The following VPS13D variants were observed in gnomAD, a reference collection of about 807,000 sequenced individuals.
VPS13D encodes intermembrane lipid transfer protein VPS13D.
Under a neutral mutation model 461.9 loss-of-function variants are expected in VPS13D, and 187 were observed. The ratio of observed to expected loss-of-function variants is 0.40; its 90% CI spans 0.36 to 0.46. The LOEUF is 0.46. Ranked by LOEUF, VPS13D falls within the 20% of genes least tolerant of loss-of-function variation. The pLI, the probability that VPS13D is intolerant of heterozygous loss-of-function variation, is 0.60. For missense variants in VPS13D, 4,711 were observed against 5,364.9 expected (o/e 0.88, Z 3.81); for synonymous variants, 1,951 against 1,986.3 (o/e 0.98, Z 0.47).
At chr1:12,397,223 C>T (rs529297657) in intron 60 of VPS13D, among the ~76,000 whole-genome samples, 1 of 152,296 alleles carries the variant, frequency 6.6e-6, no homozygotes, top group African/African-American at 2.4e-5. Flanking sequence ...CGTGAGCCAC[C>T]ACGCCTGGCC....
At chr1:12,478,183 GCAAA>G (rs1257089518) in intron 67 of VPS13D, among the ~76,000 whole-genome samples, 4 of 152,258 alleles carry the variant, frequency 2.6e-5, no homozygotes, top group Non-Finnish European at 4.4e-5. Flanking sequence ...TCAGTCATGA[GCAAA>G]CAGTCAGTGC....
chr1:12,419,844 C>T (rs575555753), intron 65 of VPS13D, among the ~76,000 whole-genome samples: 13 of 152,214 alleles, frequency 8.5e-5, no homozygotes, highest in African/African-American at 2.2e-4. Flanking sequence ...CATTGCTGTG[C>T]GAACATCATA....
rs1331692963 is a variant in VPS13D, at chr1:12,327,805, C to T, written c.8148C>T (p.Ile2716=). The part of the protein sequence containing the change: ...IKAESVCICF[I]DDCMDCDVPL... ...CTGAGAGTGTGTGCATCTGTTTCAT[C>T]GATGACTGCATGGATTGTGATGTTC... The change falls in exon 36 of 70, where the codon ATC becomes ATT. Residue 2716 remains isoleucine, a synonymous_variant. Transcript: ENST00000620676. 12 of 1,614,100 alleles carry T rather than the reference C, an allele frequency of 7.4e-6. No individual in the cohort carries two copies. The highest frequency in any genetic ancestry group is 1.6e-4 in the Middle Eastern group (1 of 6,062).
At chr1:12,492,803 A>G (rs1478606952) in intron 67 of VPS13D, among the ~76,000 whole-genome samples, 1 of 152,260 alleles carries the variant, frequency 6.6e-6, no homozygotes, top group African/African-American at 2.4e-5. Context: ...AAGCAGAGAC[A>G]TGGTGAATTA....
intron 67 of VPS13D, among the ~76,000 whole-genome samples, chr1:12,478,340 G>A (rs961765523): frequency 3.3e-5 from 5 of 152,266 alleles, no homozygotes; most frequent in Non-Finnish European, 5.9e-5. Flanking sequence ...ACGACGAAAA[G>A]GAGATAATAT....
intron 62 of VPS13D, 152 bp from the exon 63 acceptor site, chr1:12,403,673 A>G (rs1644609859): frequency 1.5e-6 from 1 of 667,922 alleles, no homozygotes; most frequent in Non-Finnish European, 2.4e-6. Flanking sequence ...TCAGAATACT[A>G]TACACGTCAC....
At chr1:12,368,122 T>C (rs902666333) in intron 52 of VPS13D, among the ~76,000 whole-genome samples, 1 of 152,164 alleles carries the variant, frequency 6.6e-6, no homozygotes, top group African/African-American at 2.4e-5. Context: ...TTCACTGATA[T>C]TTTTCCGTTA....
At chr1:12,317,859 A>T (rs1294529966) in intron 30 of VPS13D, among the ~76,000 whole-genome samples, 3 of 152,196 alleles carry the variant, frequency 2.0e-5, no homozygotes, top group African/African-American at 4.8e-5. Flanking sequence ...GTTGTTTAAA[A>T]ATATGATTAA....
intron 34 of VPS13D, 141 bp from the exon 35 acceptor site, chr1:12,323,565 A>T (rs1643100494): frequency 1.4e-6 from 1 of 717,794 alleles, no homozygotes; most frequent in South Asian, 1.8e-5. Context: ...AGAATTCTCC[A>T]ATTAGGAGTC....
At chr1:12,375,551 A>G (rs776680256) in intron 55 of VPS13D, among the ~76,000 whole-genome samples, 13 of 152,204 alleles carry the variant, frequency 8.5e-5, no homozygotes, top group Non-Finnish European at 1.9e-4. Context: ...TGATTTGATC[A>G]GTTCCCCTGA....
rs773429108 is a variant in VPS13D at position 12,276,505 on chromosome 1, C to T, written c.2917C>T (p.Arg973Trp). The change falls in exon 19 of 70, where the codon CGG becomes TGG. Residue 973 changes from arginine to tryptophan, a missense_variant. Coordinates refer to ENST00000620676, the MANE Select transcript of VPS13D (RefSeq NM_015378.4). This position sits in a 1 kb window ranked among gnomAD's most constrained non-coding sequence, Gnocchi z 4.5. Reference sequence around the variant, plus strand: ...GCAGCTTGGTGTTGAGAGCAATGGCCGGTACATTTCTGTGCTCAAGGTGTT... The same window carrying T: ...GCAGCTTGGTGTTGAGAGCAATGGCTGGTACATTTCTGTGCTCAAGGTGTT... Reference protein sequence around the residue: ...CMQLGVESNGRYISVLKVFGT... With the variant: ...CMQLGVESNGWYISVLKVFGT... The T allele has an allele frequency of 2.4e-5, 38 of 1,614,078 alleles. 1 individual carries two copies. The highest frequency in any genetic ancestry group is 1.3e-5 in the African/African-American group (1 of 74,996).
At chr1:12,442,833 C>T (rs1371860883) in intron 65 of VPS13D, among the ~76,000 whole-genome samples, 1 of 151,878 alleles carries the variant, frequency 6.6e-6, no homozygotes, top group East Asian at 1.9e-4. Context: ...AAGTCATCCT[C>T]CCACCTCGGC....
rs1357048447 is a variant in VPS13D at position 12,511,572 on chromosome 1, TC to T, written c.*2549del. 6.6e-6 allele frequency: 1 copy of T among 152,226 alleles called. No homozygotes were observed. Among genetic ancestry groups the T allele is most frequent in the African/African-American group, 2.4e-5 (1 of 41,446 alleles). The allele number at this position is 152,226 out of a possible 1,614,324, so 9.4% of individuals were successfully genotyped here. ...TTTCTTTCTGCTTCAAACACACAGT[TC>T]GTCTCTGAGGAAAGTAAAATAAATG... On this transcript the variant is annotated 3_prime_UTR_variant, in exon 70 of 70. Coordinates refer to ENST00000620676, the MANE Select transcript of VPS13D (RefSeq NM_015378.4). This position sits in a 1 kb window ranked among gnomAD's most constrained non-coding sequence, Gnocchi z 4.5.
chr1:12,264,917 T>C (rs1242186999), intron 13 of VPS13D, among the ~76,000 whole-genome samples: 1 of 152,220 alleles, frequency 6.6e-6, no homozygotes, highest in Non-Finnish European at 1.5e-5. Context: ...AAGAACAGGC[T>C]GACTCTCTTG....
At chr1:12,235,195 A>G (rs994733631) in intron 2 of VPS13D, among the ~76,000 whole-genome samples, 10 of 152,336 alleles carry the variant, frequency 6.6e-5, no homozygotes, top group African/African-American at 1.9e-4. Flanking sequence ...AGTTTTGGTA[A>G]GTGGACCAGA....
rs765851388 is a variant in VPS13D at position 12,261,079 on chromosome 1, C to T, written c.1344C>T (p.Thr448=). Reference sequence around the variant, plus strand: ...GGGGTGGCTGGTACGGGCAGCAGACCCCAGAAGGGAATGTGGTTGAGGGAC... The same window carrying T: ...GGGGTGGCTGGTACGGGCAGCAGACTCCAGAAGGGAATGTGGTTGAGGGAC... ...PGWGGWYGQQ[T]PEGNVVEGLS... Residue 448 remains threonine (T), a synonymous_variant, in exon 12 of 70, where the codon ACC becomes ACT. Transcript: ENST00000620676. 14 of 1,614,012 alleles carry T rather than the reference C, an allele frequency of 8.7e-6. No homozygotes were observed. Among genetic ancestry groups the T allele is most frequent in the Non-Finnish European group, 1.2e-5 (14 of 1,180,008 alleles).
chr1:12,273,024 G>A lies in VPS13D; in HGVS notation c.2125G>A (p.Val709Met), dbSNP rs752141848. 41 of 1,613,884 alleles carry A rather than the reference G, an allele frequency of 2.5e-5. No homozygotes were observed. Among genetic ancestry groups the A allele is most frequent in the Non-Finnish European group, 3.1e-5 (37 of 1,179,962 alleles). Reference protein sequence around the residue: ...DFIEESKRWTVRLDISAPQVI... With the variant: ...DFIEESKRWTMRLDISAPQVI... ...ACAGGAGGAGAGTAAACGATGGACC[G>A]TGCGGCTGGATATTTCTGCCCCTCA... The change falls in exon 18 of 70, where the codon GTG becomes ATG. Residue 709 changes from valine (V) to methionine (M), a missense_variant. Physicochemically the swap from Val to Met is conservative, Grantham distance 21. Coordinates refer to ENST00000620676, the MANE Select transcript of VPS13D (RefSeq NM_015378.4).
chr1:12,392,660 C>T (rs1644443770), intron 60 of VPS13D, among the ~76,000 whole-genome samples: 1 of 151,896 alleles, frequency 6.6e-6, no homozygotes, highest in Admixed American at 6.6e-5. Flanking sequence ...AGTAACAGGC[C>T]AAGAGCTGTC....
chr1:12,420,332 G>A (rs972501144), intron 65 of VPS13D, among the ~76,000 whole-genome samples: 3 of 152,184 alleles, frequency 2.0e-5, no homozygotes, highest in African/African-American at 7.2e-5. Flanking sequence ...GACCAGAGGA[G>A]TTTGAGGAAG....
Sources: allele counts gnomAD v4.1 joint callset (sites outside exome capture counted in the v4.1 genomes callset), GRCh38; gene constraint gnomAD v4.1.1; non-coding constraint Gnocchi (gnomAD v3.1); transcripts MANE v1.5; gene names NCBI Gene and HGNC (gene_info 2026-07-23, HGNC 2026-07-21).